Variants in SETBP1 observed in about 807,000 individuals in gnomAD.
SETBP1 encodes SET-binding protein.
In SETBP1, 9 loss-of-function variants were observed where a neutral mutation model predicts 101.0. The ratio of observed to expected loss-of-function variants is 0.09; its 90% CI spans 0.05 to 0.16. The LOEUF is 0.16. Ranked by LOEUF, SETBP1 falls within the 10% of genes least tolerant of loss-of-function variation. SETBP1 has a pLI of 1.00. For missense variants in SETBP1, 1,858 were observed against 2,033.8 expected, an observed-to-expected ratio of 0.91 and a Z score of 1.66; for synonymous variants, 818 against 788.5, an observed-to-expected ratio of 1.04 and a Z score of -0.63.
chr18:45,016,463 T>G (rs2072943643), intron 4 of SETBP1, among the ~76,000 whole-genome samples: 1 of 152,300 alleles, frequency 6.6e-6, no homozygotes, highest in East Asian at 1.9e-4. Context: ...CAGAGTTCCC[T>G]GTCGCGGCGG....
At chr18:44,843,696 T>C (rs79675569) in intron 2 of SETBP1, among the ~76,000 whole-genome samples, 14,876 of 152,208 alleles carry the variant, frequency 0.098, 794 homozygotes, top group East Asian at 0.16. Flanking sequence ...ACCCTTGAAG[T>C]GCAGGCATGT....
Position 44,950,635 on chromosome 18 carries a change from T to A in SETBP1, c.1295T>A (p.Met432Lys). 1 of 1,614,162 alleles carries A rather than the reference T, an allele frequency of 6.2e-7. No individual in the cohort carries two copies. The highest frequency in any genetic ancestry group is 1.7e-5 in the Admixed American group (1 of 60,028). ...ATTAAAGCGGTGGTGGAAAAGATCATGCCAGAGAAAGCCTTGGCTTCTGGA... is the reference window on the plus strand; with the variant it reads ...ATTAAAGCGGTGGTGGAAAAGATCAAGCCAGAGAAAGCCTTGGCTTCTGGA... ...QSIKAVVEKI[M>K]PEKALASGIT... is the part of the protein sequence containing the mutation. The change falls in exon 4 of 6, where the codon ATG becomes AAG. Residue 432 changes from methionine (M) to lysine (K), a missense_variant. By Grantham distance (95) the Met-to-Lys change is moderately conservative. Transcript: ENST00000649279.
intron 2 of SETBP1, among the ~76,000 whole-genome samples, chr18:44,706,591 CA>C (rs1018470585): frequency 0.061 from 1,030 of 16,786 alleles, no homozygotes; most frequent in Non-Finnish European, 0.079. Flanking sequence ...GACTCAATCT[CA>C]AAAAAAAAAA....
Position 45,063,476 on chromosome 18 carries a change from C to T in SETBP1, c.4569C>T (p.Pro1523=). 6.9e-7 allele frequency: 1 copy of T among 1,447,956 alleles called. No individual in the cohort carries two copies. The highest frequency in any genetic ancestry group is 9.0e-7 in the Non-Finnish European group (1 of 1,105,082). The allele number at this position is 1,447,956 out of a possible 1,614,324, so 89.7% of individuals were successfully genotyped here. A position where few individuals can be genotyped will look rare whatever the true frequency, so the allele number is the denominator to read the frequency against. Residue 1523 remains proline (P), a synonymous_variant, in exon 6 of 6, where the codon CCC becomes CCT. Transcript: ENST00000649279. The part of the protein sequence containing the change: ...IHMAREAPPL[P]PPPPPPLPPP... ...TGGCCCGGGAGGCGCCGCCCCTGCC[C>T]CCGCCACCGCCGCCGCCCCTGCCGC...
chr18:44,837,006 TGTTTTGA>T (rs1302665011), intron 2 of SETBP1, among the ~76,000 whole-genome samples: 1 of 152,328 alleles, frequency 6.6e-6, no homozygotes, highest in East Asian at 1.9e-4. Flanking sequence ...TTCATGCTAA[TGTTTTGA>T]GTTGTTTGTA....
chr18:44,751,582 A>G (rs1288207740), intron 2 of SETBP1, among the ~76,000 whole-genome samples: 1 of 151,572 alleles, frequency 6.6e-6, no homozygotes, highest in Non-Finnish European at 1.5e-5. Flanking sequence ...TTTATTTGTC[A>G]TTTTGTTTCT....
chr18:44,818,972 G>A (rs2072044887), intron 2 of SETBP1, among the ~76,000 whole-genome samples: 2 of 148,636 alleles, frequency 1.3e-5, no homozygotes, highest in African/African-American at 5.0e-5. Flanking sequence ...TTCACTGAAT[G>A]TGTGTGTGTG....
chr18:44,987,762 A>G (rs1256450294), intron 4 of SETBP1: 1 of 152,182 alleles, frequency 6.6e-6, no homozygotes, highest in Non-Finnish European at 1.5e-5. Flanking sequence ...ATTGATAATA[A>G]TCCTAGTCTC....
At chr18:44,720,988 A>G (rs11082401) in intron 2 of SETBP1, among the ~76,000 whole-genome samples, 17,116 of 144,620 alleles carry the variant, frequency 0.12, 1,336 homozygotes, top group Non-Finnish European at 0.16. Context: ...TGCGTCCAGC[A>G]TTGGTGGGGA....
intron 2 of SETBP1, among the ~76,000 whole-genome samples, chr18:44,752,937 TCTGTGACCC>T (rs2070417929): frequency 6.6e-6 from 1 of 152,246 alleles, no homozygotes; most frequent in Non-Finnish European, 1.5e-5. Context: ...CTCAAGATGG[TCTGTGACCC>T]AGAAAAATTA....
intron 2 of SETBP1, among the ~76,000 whole-genome samples, chr18:44,765,208 A>G (rs1291737934): frequency 6.6e-6 from 1 of 152,090 alleles, no homozygotes; most frequent in Admixed American, 6.5e-5. Flanking sequence ...TCTTGCCTAT[A>G]AGATAGAAGT....
chr18:44,816,108 GGGGAGGTGA>G (rs1479864793), intron 2 of SETBP1, among the ~76,000 whole-genome samples: 1 of 152,164 alleles, frequency 6.6e-6, no homozygotes, highest in Non-Finnish European at 1.5e-5. Flanking sequence ...GGAGACAGAG[GGGGAGGTGA>G]GGGAGGGGCT....
At chr18:44,943,509 A>G (rs536120966) in intron 3 of SETBP1, among the ~76,000 whole-genome samples, 6 of 152,348 alleles carry the variant, frequency 3.9e-5, no homozygotes, top group African/African-American at 9.6e-5. Flanking sequence ...CTGTCTGCTC[A>G]TTGGGATCAC....
At chr18:44,960,305 G>A (rs187506650) in intron 4 of SETBP1, among the ~76,000 whole-genome samples, 147 of 152,154 alleles carry the variant, frequency 9.7e-4, no homozygotes, top group African/African-American at 2.1e-3. Context: ...CCCGTACTCC[G>A]AGGCTTGTGC....
At chr18:44,942,938 G>A (rs533117328) in intron 3 of SETBP1, among the ~76,000 whole-genome samples, 1 of 152,292 alleles carries the variant, frequency 6.6e-6, no homozygotes, top group Admixed American at 6.5e-5. Flanking sequence ...AATTCCCAGG[G>A]TGACAGAATA....
At chr18:44,906,828 C>A (rs1208623383) in intron 3 of SETBP1, among the ~76,000 whole-genome samples, 6 of 150,818 alleles carry the variant, frequency 4.0e-5, no homozygotes, top group Non-Finnish European at 8.9e-5. Context: ...GCTCTTAAAC[C>A]CTTTTTTGTT....
intron 3 of SETBP1, among the ~76,000 whole-genome samples, chr18:44,883,099 C>T (rs1213566137): frequency 1.3e-5 from 2 of 152,162 alleles, no homozygotes; most frequent in African/African-American, 4.8e-5. Context: ...ATGGAGCTGC[C>T]TCATCCTGCC....
At chr18:44,817,284 C>G (rs1387968202) in intron 2 of SETBP1, among the ~76,000 whole-genome samples, 1 of 152,148 alleles carries the variant, frequency 6.6e-6, no homozygotes, top group Non-Finnish European at 1.5e-5. Context: ...CCAAACTGGG[C>G]GAGTGACTTT....
At chr18:44,708,748 G>T (rs201208358) in intron 2 of SETBP1, among the ~76,000 whole-genome samples, 1 of 11,966 alleles carries the variant, frequency 8.4e-5, no homozygotes. Context: ...AAAAAGAAAA[G>T]AAAAGAAAAG....
Sources: gnomAD v4.1 joint callset for allele counts (sites outside exome capture counted in the v4.1 genomes callset) on GRCh38, gnomAD v4.1.1 for gene constraint, MANE v1.5 for transcripts, NCBI Gene and HGNC (gene_info 2026-07-23, HGNC 2026-07-21) for gene names.